Variants in VAV1 observed in about 807,000 individuals in gnomAD.
The protein encoded by VAV1 is proto-oncogene vav.
VAV1 carries 33 observed loss-of-function variants against 128.1 expected under a neutral mutation model. The observed-to-expected ratio is 0.26, with a 90% CI of 0.20 to 0.34. The LOEUF is 0.34. Ranked by LOEUF, VAV1 falls within the 10% of genes least tolerant of loss-of-function variation. The pLI, the probability that VAV1 is intolerant of heterozygous loss-of-function variation, is 1.00. For missense variants in VAV1, 715 were observed against 1,093.7 expected (o/e 0.65, Z 4.88); for synonymous variants, 394 against 409.8 (o/e 0.96, Z 0.47).
At chr19:6,805,105 T>C (rs962787718) in intron 1 of VAV1, among the ~76,000 whole-genome samples, 1 of 151,844 alleles carries the variant, frequency 6.6e-6, no homozygotes, top group Non-Finnish European at 1.5e-5. Context: ...GTAGTAACTT[T>C]TGGGTGATCA....
chr19:6,817,038 T>G (rs1282425490), intron 1 of VAV1, among the ~76,000 whole-genome samples: 1 of 151,756 alleles, frequency 6.6e-6, no homozygotes, highest in South Asian at 2.1e-4. Context: ...GTAGTAGGCA[T>G]CCAAGAAATG....
intron 26 of VAV1, 80 bp downstream of exon 26, chr19:6,854,178 G>A: frequency 6.4e-7 from 1 of 1,553,132 alleles, no homozygotes; most frequent in Non-Finnish European, 8.7e-7. Flanking sequence ...GGGGACTGGA[G>A]AAGGTGAGGT....
chr19:6,798,691 G>C (rs989447993), intron 1 of VAV1, among the ~76,000 whole-genome samples: 4 of 147,128 alleles, frequency 2.7e-5, no homozygotes, highest in Admixed American at 2.1e-4. Context: ...GGGGAAAAAA[G>C]AAAGAATCAG....
At chr19:6,821,998 T>C (rs1207022302) in intron 4 of VAV1, 139 bp downstream of exon 4, 14 of 1,258,210 alleles carry the variant, frequency 1.1e-5, no homozygotes, top group Non-Finnish European at 1.5e-5. Context: ...CCTGAGAGTC[T>C]GGGGAGACAC....
intron 1 of VAV1, among the ~76,000 whole-genome samples, chr19:6,801,986 GA>G (rs1373807126): frequency 6.6e-6 from 1 of 151,604 alleles, no homozygotes; most frequent in African/African-American, 2.4e-5. Flanking sequence ...GAGGAAGGAA[GA>G]GGGGCACTGA....
chr19:6,799,444 A>G (rs1478403335), intron 1 of VAV1, among the ~76,000 whole-genome samples: 2 of 152,112 alleles, frequency 1.3e-5, no homozygotes, highest in Non-Finnish European at 2.9e-5. Context: ...CTGGGATTAC[A>G]GGCGTGAGCC....
chr19:6,831,190 C>T (rs1337250337), intron 14 of VAV1, among the ~76,000 whole-genome samples: 1 of 152,174 alleles, frequency 6.6e-6, no homozygotes, highest in Non-Finnish European at 1.5e-5. Context: ...GTGGAAGTGA[C>T]ATTTAAGCTG....
intron 1 of VAV1, among the ~76,000 whole-genome samples, chr19:6,819,021 C>T (rs567913292): frequency 1.3e-5 from 2 of 152,158 alleles, no homozygotes; most frequent in South Asian, 4.2e-4. Flanking sequence ...GAGGCTGAGA[C>T]AGGAGAATTG....
Position 6,828,278 on chromosome 19 carries a change from G to T in VAV1, c.1023+107G>T, listed in dbSNP as rs1425552862. The T allele has an allele frequency of 6.6e-7, 1 of 1,509,620 alleles. No homozygotes were observed. Among genetic ancestry groups the T allele is most frequent in the African/African-American group, 1.4e-5 (1 of 72,558 alleles). 93.5% of individuals were successfully genotyped at this position (1,509,620 alleles called of 1,614,324 possible). ...GGGTTGGGTCTCTAGGACGCTCGGG[G>T]ATGGGTCACTGGGGTCATGTCTCAG... On this transcript the variant is annotated intron_variant, in intron 10 of 26. Transcript: ENST00000602142. The surrounding 1 kb of genome is among the most constrained non-coding windows in gnomAD (Gnocchi z 4.5).
chr19:6,816,252 C>G (rs1971645848), intron 1 of VAV1, among the ~76,000 whole-genome samples: 1 of 152,086 alleles, frequency 6.6e-6, no homozygotes, highest in South Asian at 2.1e-4. Flanking sequence ...GATCTCCTGA[C>G]TTCATGATCT....
chr19:6,802,337 T>A (rs974757270), intron 1 of VAV1, among the ~76,000 whole-genome samples: 2 of 151,692 alleles, frequency 1.3e-5, no homozygotes, highest in Admixed American at 1.3e-4. Context: ...ATTTAAAGTA[T>A]AATAATAATA....
chr19:6,779,280 G>A (rs1451452883), intron 1 of VAV1, among the ~76,000 whole-genome samples: 2 of 150,400 alleles, frequency 1.3e-5, no homozygotes, highest in African/African-American at 4.8e-5. Flanking sequence ...TTGAACTCCT[G>A]GCCTCAAGCA....
Position 6,821,858 on chromosome 19 carries a change from G to A in VAV1, c.448G>A (p.Asp150Asn), listed in dbSNP as rs1228580781. Reference sequence around the variant, plus strand: ...CTACAGTGGCCTGTCCGACCAGATCGAGTGAGTGCTCAGGCCTGTGGCCGC... The same window carrying A: ...CTACAGTGGCCTGTCCGACCAGATCAAGTGAGTGCTCAGGCCTGTGGCCGC... The part of the protein sequence containing the change: ...DIYSGLSDQI[D>N]DTVEEDEDLY... The change falls in exon 4 of 27, where the codon GAC becomes AAC. Residue 150 changes from aspartate to asparagine, a missense_variant and splice_region_variant. By Grantham distance (23) the Asp-to-Asn change is conservative (BLOSUM62 1). This residue lies in a region of VAV1 where 302 missense variants were observed against 477.8 expected (regional missense o/e 0.63). Coordinates refer to ENST00000602142, the MANE Select transcript of VAV1 (RefSeq NM_005428.4). 2 of 1,614,024 alleles carry A rather than the reference G, an allele frequency of 1.2e-6. No homozygotes were observed. Among genetic ancestry groups the A allele is most frequent in the East Asian group, 2.2e-5 (1 of 44,906 alleles).
chr19:6,812,210 G>C (rs1971528719), intron 1 of VAV1, among the ~76,000 whole-genome samples: 1 of 152,188 alleles, frequency 6.6e-6, no homozygotes, highest in Non-Finnish European at 1.5e-5. Flanking sequence ...TCTGCCCGAG[G>C]TAGACAGCAG....
chr19:6,831,047 G>A (rs1972041763), intron 14 of VAV1, among the ~76,000 whole-genome samples: 1 of 152,152 alleles, frequency 6.6e-6, no homozygotes, highest in African/African-American at 2.4e-5. Flanking sequence ...AGCTATGATT[G>A]CACTACAGCT....
chr19:6,793,982 CTTCT>C lies in VAV1; in HGVS notation c.204+20974_204+20977del, dbSNP rs1001631434. ...ATTTACCAGTGATACTGATAAATGA[CTTCT>C]TTATCATTTATGAAAAATTGATAAA... On this transcript the variant is annotated intron_variant, in intron 1 of 26. Coordinates refer to ENST00000602142, the MANE Select transcript of VAV1 (RefSeq NM_005428.4). Among the ~76,000 whole-genome samples the C allele has an allele frequency of 5.7e-4, 82 of 144,712 alleles. 7 individuals carry two copies. Among genetic ancestry groups the C allele is most frequent in the African/African-American group, 1.7e-3 (66 of 37,740 alleles). The allele number at this position is 144,712 out of a possible 152,430, so 94.9% of individuals were successfully genotyped here.
At chr19:6,839,911 C>T (rs1212299372) in intron 21 of VAV1, among the ~76,000 whole-genome samples, 3 of 152,022 alleles carry the variant, frequency 2.0e-5, no homozygotes, top group East Asian at 1.9e-4. Context: ...AGGCTGGTTT[C>T]GAACTTCTGG....
chr19:6,850,741 C>T lies in VAV1; in HGVS notation c.2201C>T (p.Ala734Val). ...CTGTACCGGATCACAGAGAAAAAGG[C>T]TTTCCGGGGGCTTACGGTAAGGGTC... The part of the protein sequence containing the change: ...EGLYRITEKK[A>V]FRGLTELVEF... Residue 734 changes from alanine (A) to valine (V), a missense_variant, in exon 24 of 27, where the codon GCT becomes GTT. This residue lies in a region of VAV1 where 407 missense variants were observed against 580.6 expected (regional missense o/e 0.70). Coordinates refer to ENST00000602142, the MANE Select transcript of VAV1 (RefSeq NM_005428.4). The T allele has an allele frequency of 6.2e-7, 1 of 1,614,028 alleles. No homozygotes were observed. Among genetic ancestry groups the T allele is most frequent in the Non-Finnish European group, 8.5e-7 (1 of 1,179,980 alleles).
At chr19:6,843,210 G>T (rs369347874) in intron 22 of VAV1, 44 bp downstream of exon 22, 138 of 1,612,498 alleles carry the variant, frequency 8.6e-5, no homozygotes, top group Non-Finnish European at 1.1e-4. Context: ...AGGTTTCTGG[G>T]TTGGGGTTCC....
Sources: gnomAD v4.1 joint callset for allele counts (sites outside exome capture counted in the v4.1 genomes callset) on GRCh38, gnomAD v4.1.1 for gene constraint, gnomAD v4.1.1 regional missense constraint, Gnocchi (gnomAD v3.1) non-coding constraint, MANE v1.5 for transcripts, NCBI Gene and HGNC (gene_info 2026-07-23, HGNC 2026-07-21) for gene names.